Variants in CPNE9 observed in about 807,000 individuals in gnomAD.
CPNE9 encodes copine-9.
Under a neutral mutation model 83.0 loss-of-function variants are expected in CPNE9, and 59 were observed. The observed-to-expected ratio is 0.71, with a 90% CI of 0.58 to 0.88. The LOEUF (loss-of-function observed/expected upper bound fraction) is 0.88. CPNE9 is among the 40% of genes least tolerant of loss of function. The probability of loss-of-function intolerance (pLI) is 0.00; values close to 1 mark genes in which losing one functional copy is unlikely to be tolerated. For missense variants in CPNE9, 619 were observed against 720.8 expected (o/e 0.86, Z 1.62); for synonymous variants, 256 against 273.4 (o/e 0.94, Z 0.63).
rs1239572260 is a variant in CPNE9 at position 9,723,824 on chromosome 3, G to A, written c.1242-2125G>A. 6.6e-5 allele frequency among the ~76,000 whole-genome samples: 10 copies of A among 152,124 alleles called. 1 individual carries two copies. Among genetic ancestry groups the A allele is most frequent in the Admixed American group, 4.6e-4 (7 of 15,266 alleles). On this transcript the variant is annotated intron_variant, in intron 17 of 20. Coordinates refer to ENST00000383832, the MANE Select transcript of CPNE9 (RefSeq NM_153635.3). Reference sequence around the variant, plus strand: ...CTCCCAAAGTGCTTGGATTACAGGCGTGAGCCACCCCACCTGTCCCCAAAG... The same window carrying A: ...CTCCCAAAGTGCTTGGATTACAGGCATGAGCCACCCCACCTGTCCCCAAAG...
At chr3:9,711,802 C>T (rs2076631722) in intron 7 of CPNE9, among the ~76,000 whole-genome samples, 1 of 152,130 alleles carries the variant, frequency 6.6e-6, no homozygotes. Context: ...GGAAGTGTTC[C>T]TTCTAGGGTC....
intron 7 of CPNE9, among the ~76,000 whole-genome samples, chr3:9,707,634 G>C (rs2076577579): frequency 6.6e-6 from 1 of 150,420 alleles, no homozygotes. Flanking sequence ...AAAAAACAAA[G>C]GAAAGCCAGG....
chr3:9,705,686 T>C (rs1489596123), intron 5 of CPNE9, 32 bp from the exon 6 acceptor site: 2 of 1,613,726 alleles, frequency 1.2e-6, no homozygotes, highest in Non-Finnish European at 1.7e-6. Flanking sequence ...CTGTTCCTCT[T>C]CCTTCTTGGC....
At chr3:9,705,419 T>TCCGC in intron 4 of CPNE9, 45 bp from the exon 5 acceptor site, 2 of 662,638 alleles carry the variant, frequency 3.0e-6, no homozygotes, top group Non-Finnish European at 5.4e-6. Context: ...TTCCACCCTC[T>TCCGC]CCCCCACCCA....
At chr3:9,724,188 CTTTT>C (rs201939446) in intron 17 of CPNE9, among the ~76,000 whole-genome samples, 2 of 136,458 alleles carry the variant, frequency 1.5e-5, no homozygotes, top group Middle Eastern at 3.4e-3. Flanking sequence ...CTCTCTAGGT[CTTTT>C]TTTTTTTTTT....
At chr3:9,716,953 T>G (rs2076688905) in intron 14 of CPNE9, 105 bp from the exon 15 acceptor site, 8 of 1,235,966 alleles carry the variant, frequency 6.5e-6, no homozygotes, top group East Asian at 2.4e-5. Context: ...AGAATCTGCA[T>G]TTTAACATGA....
chr3:9,715,212 G>A (rs1000981182), intron 11 of CPNE9, 77 bp from the exon 12 acceptor site: 9 of 1,484,100 alleles, frequency 6.1e-6, no homozygotes, highest in African/African-American at 2.8e-5. Context: ...CTTAGGATAG[G>A]AGGAATAAAA....
chr3:9,714,496 CTT>C (rs1287430154), intron 10 of CPNE9, among the ~76,000 whole-genome samples: 3 of 144,004 alleles, frequency 2.1e-5, no homozygotes, highest in Non-Finnish European at 1.5e-5. Flanking sequence ...AGCCAAATTA[CTT>C]TTTTTTTTTT....
At position 9,716,496 on chromosome 3, in the gene CPNE9, G is replaced by A. The variant is rs1182869755; in HGVS notation, c.884+461G>A. ...AGGATTTTTTTTTTTTTGAGATGGCGTTTCACTCTTGTTGCCCAGGCTGAA... is the reference window on the plus strand; with the variant it reads ...AGGATTTTTTTTTTTTTGAGATGGCATTTCACTCTTGTTGCCCAGGCTGAA... On this transcript the variant is annotated intron_variant, in intron 14 of 20. Coordinates refer to ENST00000383832, the MANE Select transcript of CPNE9 (RefSeq NM_153635.3). Among the ~76,000 whole-genome samples the A allele has an allele frequency of 4.6e-5, 7 of 150,662 alleles. No individual in the cohort carries two copies. In the East Asian group the frequency reaches 9.7e-4, roughly 21 times the overall value.
chr3:9,710,611 A>G (rs1197583398), intron 7 of CPNE9, among the ~76,000 whole-genome samples: 2 of 152,218 alleles, frequency 1.3e-5, no homozygotes, highest in African/African-American at 4.8e-5. Context: ...ATGCATTTGA[A>G]ATGAGACAAG....
At chr3:9,714,585 C>T (rs537115985) in intron 10 of CPNE9, among the ~76,000 whole-genome samples, 1 of 124,398 alleles carries the variant, frequency 8.0e-6, no homozygotes, top group Admixed American at 9.9e-5. Context: ...TTAAATGAGA[C>T]AATCTGTGAA....
intron 9 of CPNE9, 73 bp downstream of exon 9, chr3:9,712,901 C>T: frequency 6.4e-7 from 1 of 1,554,806 alleles, no homozygotes; most frequent in Non-Finnish European, 8.9e-7. Flanking sequence ...TCTCAGGAAT[C>T]TCTGAGAGCA....
intron 17 of CPNE9, among the ~76,000 whole-genome samples, chr3:9,725,601 T>TAC (rs1181560511): frequency 7.5e-6 from 1 of 132,732 alleles, no homozygotes; most frequent in Non-Finnish European, 1.6e-5. Context: ...TATATGTGTA[T>TAC]ATGTATGTGT....
At chr3:9,721,973 C>T (rs1420585482) in intron 17 of CPNE9, among the ~76,000 whole-genome samples, 1 of 151,346 alleles carries the variant, frequency 6.6e-6, no homozygotes, top group African/African-American at 2.4e-5. Context: ...GGCTGGAGTG[C>T]AGTGGCACGA....
At position 9,704,822 on chromosome 3, in the gene CPNE9, C is replaced by T. The variant is rs1220915639; in HGVS notation, c.156+27C>T. The T allele has an allele frequency of 6.2e-7, 1 of 1,601,258 alleles. No individual in the cohort carries two copies. On this transcript the variant is annotated intron_variant, in intron 3 of 20. Transcript: ENST00000383832. This position sits in a 1 kb window ranked among gnomAD's most constrained non-coding sequence, Gnocchi z 7.1. ...TGAGTCCCAGAGCCCCCTCCCGGCC[C>T]AGGGCGTCGCCCGGGAATTCCCCTG...
intron 13 of CPNE9, 135 bp from the exon 14 acceptor site, chr3:9,715,839 G>A: frequency 1.4e-6 from 1 of 721,376 alleles, no homozygotes; most frequent in South Asian, 1.7e-5. Context: ...GAACAGGGTG[G>A]GACTGACTGG....
At chr3:9,707,658 A>G (rs1287031692) in intron 7 of CPNE9, among the ~76,000 whole-genome samples, 4 of 150,522 alleles carry the variant, frequency 2.7e-5, no homozygotes, top group Non-Finnish European at 4.4e-5. Context: ...GGTGGTGTGC[A>G]CTTGTAGTCC....
chr3:9,708,519 A>C (rs1316811901), intron 7 of CPNE9, among the ~76,000 whole-genome samples: 1 of 152,266 alleles, frequency 6.6e-6, no homozygotes, highest in Non-Finnish European at 1.5e-5. Context: ...AGCTCAAATA[A>C]GATGAAGATT....
chr3:9,714,236 A>G (rs2076656932), intron 10 of CPNE9, among the ~76,000 whole-genome samples: 1 of 152,230 alleles, frequency 6.6e-6, no homozygotes, highest in Non-Finnish European at 1.5e-5. Flanking sequence ...GGATGCTTGC[A>G]TGCCTCAGTG....
Sources: allele counts gnomAD v4.1 joint callset (sites outside exome capture counted in the v4.1 genomes callset), GRCh38; gene constraint gnomAD v4.1.1; non-coding constraint Gnocchi (gnomAD v3.1); transcripts MANE v1.5; gene names NCBI Gene and HGNC (gene_info 2026-07-23, HGNC 2026-07-21).